The following ITIH1 variants were observed in gnomAD, a reference collection of about 807,000 sequenced individuals.
ITIH1 encodes the protein inter-alpha-trypsin inhibitor heavy chain H1.
ITIH1 carries 94 observed loss-of-function variants against 104.6 expected under a neutral mutation model. The observed-to-expected ratio is 0.90, with a 90% CI of 0.76 to 1.07. The LOEUF (loss-of-function observed/expected upper bound fraction) is 1.07, where lower values mean the gene tolerates loss of function less well. Ranked by LOEUF, ITIH1 falls within the 50% of genes least tolerant of loss-of-function variation. ITIH1 has a pLI of 0.00. For synonymous variants in ITIH1, 455 were observed against 464.4 expected, an observed-to-expected ratio of 0.98 and a Z score of 0.26; for missense variants, 1,193 against 1,181.4, an observed-to-expected ratio of 1.01 and a Z score of -0.14.
At chr3:52,777,953 C>A in intron 1 of ITIH1, 44 bp from the exon 2 acceptor site, 1 of 1,613,574 alleles carries the variant, frequency 6.2e-7, no homozygotes, top group Non-Finnish European at 8.5e-7. Context: ...GCCGGTGGTC[C>A]CCTGAGTTTT....
In ITIH1 at chr3:52,779,121, G is replaced by A. The variant is rs1226753769; in HGVS notation, c.410+75G>A. ...AGGACAGGTCTGATGGCTGCAAGGT[G>A]GCTTTAGTGGAGAACAGCCCAGGAT... On this transcript the variant is annotated intron_variant, in intron 4 of 21. Coordinates refer to ENST00000273283, the MANE Select transcript of ITIH1 (RefSeq NM_002215.4). This position sits in a 1 kb window ranked among gnomAD's most constrained non-coding sequence, Gnocchi z 4.4. The A allele has an allele frequency of 1.9e-6, 2 of 1,072,316 alleles. No individual in the cohort carries two copies. The highest frequency in any genetic ancestry group is 2.9e-6 in the Non-Finnish European group (2 of 689,466). The allele number at this position is 1,072,316 out of a possible 1,614,324, so 66.4% of individuals were successfully genotyped here. A position where few individuals can be genotyped will look rare whatever the true frequency, so the allele number is the denominator to read the frequency against.
At chr3:52,788,706 G>A (rs1463040314) in intron 18 of ITIH1, among the ~76,000 whole-genome samples, 5 of 152,070 alleles carry the variant, frequency 3.3e-5, no homozygotes, top group Non-Finnish European at 7.4e-5. Context: ...GACTACAGGC[G>A]CATGCCACCA....
In ITIH1 at chr3:52,777,709, A is replaced by C; in HGVS notation, c.94A>C (p.Thr32Pro). 6.3e-7 allele frequency: 1 copy of C among 1,597,506 alleles called. No homozygotes were observed. ...LQAMPALGSA[T>P]GRSKSSEKRQ... is the part of the protein sequence containing the mutation. The stretch of plus-strand genomic sequence containing the variant: ...GGCCATGCCTGCCCTGGGCTCGGCT[A>C]CAGGCAGGTCCAAGAGCAGCGAGGT... The change falls in exon 1 of 22, where the codon ACA becomes CCA. Residue 32 changes from threonine (T) to proline (P), a missense_variant. Transcript: ENST00000273283.
chr3:52,788,379 C>CAGAGGAGCCCTGGCCCTGT, intron 18 of ITIH1, 34 bp downstream of exon 18: 1 of 1,349,854 alleles, frequency 7.4e-7, no homozygotes, highest in Non-Finnish European at 1.0e-6. Flanking sequence ...CCAGACAGGG[C>CAGAGGAGCCCTGGCCCTGT]CAGGGCTCCT....
At chr3:52,780,230 T>C (rs1698998935) in intron 5 of ITIH1, 39 bp from the exon 6 acceptor site, 3 of 1,495,414 alleles carry the variant, frequency 2.0e-6, no homozygotes, top group Non-Finnish European at 1.8e-6. Context: ...CAAGATCCCA[T>C]CTTTTTTTTT....
chr3:52,780,395 G>A lies in ITIH1; in HGVS notation c.687+13G>A. 6.3e-7 allele frequency: 1 copy of A among 1,585,450 alleles called. No individual in the cohort carries two copies. Among genetic ancestry groups the A allele is most frequent in the Non-Finnish European group, 8.7e-7 (1 of 1,155,386 alleles). ...CTCAGGAAAAAAGGTACATGGGATA[G>A]CAAGGGGGTGGTGGTGGGCCCTTTG... On this transcript the variant is annotated intron_variant, in intron 6 of 21. Coordinates refer to ENST00000273283, the MANE Select transcript of ITIH1 (RefSeq NM_002215.4).
chr3:52,791,872 TGGTGC>T lies in ITIH1; in HGVS notation c.2698_2702del (p.Gly900LeufsTer3), dbSNP rs777576105. 8.1e-6 allele frequency: 13 copies of T among 1,614,072 alleles called. No homozygotes were observed. The highest frequency in any genetic ancestry group is 1.1e-5 in the Non-Finnish European group (13 of 1,180,036). ...ACAACAATGGGGCTGGACTCATCGA[TGGTGC>T]CTACACTGATTATATCGTCCCCGAC... On this transcript the variant is annotated frameshift_variant, in exon 22 of 22. Transcript: ENST00000273283. LOFTEE classifies it high-confidence loss of function.
chr3:52,781,683 A>T (rs958429683), intron 6 of ITIH1, among the ~76,000 whole-genome samples: 3 of 152,164 alleles, frequency 2.0e-5, no homozygotes, highest in African/African-American at 7.2e-5. Flanking sequence ...GTTATTATTT[A>T]TATACCCAAA....
chr3:52,777,687 C>G lies in ITIH1; in HGVS notation c.72C>G (p.Ala24=). The change falls in exon 1 of 22, where the codon GCC becomes GCG. Residue 24 remains alanine, a synonymous_variant. Transcript: ENST00000273283. ...MYLVSLLILQ[A]MPALGSATGR... is the part of the protein sequence containing the mutation. The stretch of plus-strand genomic sequence containing the variant: ...TGGTATCTCTCCTCATCCTGCAGGC[C>G]ATGCCTGCCCTGGGCTCGGCTACAG... The G allele has an allele frequency of 1.2e-6, 2 of 1,605,056 alleles. No individual in the cohort carries two copies. Among genetic ancestry groups the G allele is most frequent in the Non-Finnish European group, 1.7e-6 (2 of 1,175,992 alleles).
rs751821392 is a variant in ITIH1 at position 52,790,731 on chromosome 3, G to A, written c.2322-18G>A. 1.1e-5 allele frequency: 18 copies of A among 1,605,358 alleles called. No homozygotes were observed. Among genetic ancestry groups the A allele is most frequent in the Admixed American group, 8.6e-5 (5 of 58,338 alleles). On this transcript the variant is annotated intron_variant, in intron 19 of 21. Transcript: ENST00000273283. ...GCAGTGCAGCCGCACCTGCCCTCTC[G>A]GCCACCTGGCTCTGCAGGGTGGTGG...
intron 10 of ITIH1, among the ~76,000 whole-genome samples, chr3:52,784,002 G>A (rs554370930): frequency 4.3e-4 from 66 of 152,254 alleles, no homozygotes; most frequent in African/African-American, 1.6e-3. Flanking sequence ...AACAAGCGTG[G>A]GAAGGTCAGC....
rs1447574116 is a variant in ITIH1, at chr3:52,785,180, T to C, written c.1544T>C (p.Ile515Thr). 2.5e-6 allele frequency: 4 copies of C among 1,614,002 alleles called. No individual in the cohort carries two copies. Among genetic ancestry groups the C allele is most frequent in the Admixed American group, 3.3e-5 (2 of 60,002 alleles). Residue 515 changes from isoleucine to threonine, a missense_variant, in exon 12 of 22, where the codon ATT (isoleucine) becomes ACT (threonine). Transcript: ENST00000273283. ...EGSEIVVAGRIADNKQSSFKA... is the reference protein window; with the variant it reads ...EGSEIVVAGRTADNKQSSFKA... ...TCAGAGATTGTGGTGGCCGGGCGCA[T>C]TGCTGACAACAAACAGAGCAGCTTC...
At position 52,790,807 on chromosome 3, in the gene ITIH1, A is replaced by G. The variant is rs767698101; in HGVS notation, c.2380A>G (p.Thr794Ala). 3 of 1,612,766 alleles carry G rather than the reference A, an allele frequency of 1.9e-6. No homozygotes were observed. The highest frequency in any genetic ancestry group is 1.7e-5 in the Admixed American group (1 of 59,828). The part of the protein sequence containing the change: ...NLVVSVDDGG[T>A]FEVVLHRVWK... The stretch of plus-strand genomic sequence containing the variant: ...GGTGGTGTCTGTGGACGACGGTGGC[A>G]CCTTTGAGGTTGTTTTGCACCGAGT... The change falls in exon 20 of 22, where the codon ACC becomes GCC. Residue 794 changes from threonine (T) to alanine (A), a missense_variant. Physicochemically the swap from Thr to Ala is moderately conservative, Grantham distance 58. Transcript: ENST00000273283.
chr3:52,778,558 T>A, intron 3 of ITIH1, 52 bp downstream of exon 3: 2 of 1,606,706 alleles, frequency 1.2e-6, no homozygotes. Context: ...CGCTTACTAG[T>A]CCCAGCTTAA....
rs1356468486 is a variant in ITIH1, at chr3:52,783,304, T to C, written c.1190T>C (p.Ile397Thr). The change falls in exon 10 of 22, where the codon ATA becomes ACA. Residue 397 changes from isoleucine to threonine, a missense_variant. Ile to Thr is a moderately conservative substitution (Grantham distance 89). Coordinates refer to ENST00000273283, the MANE Select transcript of ITIH1 (RefSeq NM_002215.4). ...SLPELSNHAS[I>T]LIMLTDGDPT... ...CCAGAACTCAGCAACCATGCCTCAATACTCATCATGTTGACAGATGGCGAT... is the reference window on the plus strand; with the variant it reads ...CCAGAACTCAGCAACCATGCCTCAACACTCATCATGTTGACAGATGGCGAT... 3 of 1,613,980 alleles carry C rather than the reference T, an allele frequency of 1.9e-6. No individual in the cohort carries two copies. The highest frequency in any genetic ancestry group is 1.7e-6 in the Non-Finnish European group (2 of 1,180,036).
At chr3:52,778,150 G>C (rs944969909) in intron 2 of ITIH1, 133 bp downstream of exon 2, 1 of 1,179,448 alleles carries the variant, frequency 8.5e-7, no homozygotes, top group African/African-American at 1.5e-5. Flanking sequence ...TAGAAATGGG[G>C]ACTTGTTCCC....
Position 52,781,956 on chromosome 3 carries a change from G to A in ITIH1, c.704G>A (p.Arg235His), listed in dbSNP as rs141164071. The change falls in exon 7 of 22, where the codon CGT (arginine) becomes CAT (histidine). Residue 235 changes from arginine to histidine, a missense_variant. Arg to His is a conservative substitution (Grantham distance 29, BLOSUM62 0). Transcript: ENST00000273283. ...CGGTTCCAGGGTCATGTGCTGTTCCGTCCCACCGTGAGCCAGCAGCAGTCC... is the reference window on the plus strand; with the variant it reads ...CGGTTCCAGGGTCATGTGCTGTTCCATCCCACCGTGAGCCAGCAGCAGTCC... Reference protein sequence around the residue: ...FSGKKGHVLFRPTVSQQQSCP... With the variant: ...FSGKKGHVLFHPTVSQQQSCP... The A allele has an allele frequency of 9.7e-5, 157 of 1,614,114 alleles. 1 individual carries two copies. The highest frequency in any genetic ancestry group is 9.2e-4 in the African/African-American group (69 of 75,008).
In ITIH1 at chr3:52,781,852, C is replaced by G. The variant is rs538128099; in HGVS notation, c.688-88C>G. On this transcript the variant is annotated intron_variant, in intron 6 of 21. Coordinates refer to ENST00000273283, the MANE Select transcript of ITIH1 (RefSeq NM_002215.4). ...CTGTCCGTGCAAACACACACACACA[C>G]ACACGCATGCCTTCTTATGTTGTCT... is the stretch of plus-strand genomic sequence containing the variant. 195 of 1,532,886 alleles carry G rather than the reference C, an allele frequency of 1.3e-4. 1 individual carries two copies. Among genetic ancestry groups the G allele is most frequent in the Non-Finnish European group, 4.7e-5 (53 of 1,126,090 alleles). The allele number at this position is 1,532,886 out of a possible 1,614,324, so 95.0% of individuals were successfully genotyped here. A position where few individuals can be genotyped will look rare whatever the true frequency, so the allele number is the denominator to read the frequency against.
chr3:52,788,124 G>A lies in ITIH1; in HGVS notation c.2005+58G>A, dbSNP rs1559465372. Reference sequence around the variant, plus strand: ...TGTTTGGGACCCACCCTATCTGGCTGTCTCTCTCTCTCTGTCTCTCTCTGG... The same window carrying A: ...TGTTTGGGACCCACCCTATCTGGCTATCTCTCTCTCTCTGTCTCTCTCTGG... On this transcript the variant is annotated intron_variant, in intron 17 of 21. Coordinates refer to ENST00000273283, the MANE Select transcript of ITIH1 (RefSeq NM_002215.4). 4 of 1,522,624 alleles carry A rather than the reference G, an allele frequency of 2.6e-6. No individual in the cohort carries two copies. The East Asian group carries it at 9.0e-5, about 34-fold the overall frequency. The allele number at this position is 1,522,624 out of a possible 1,614,324, so 94.3% of individuals were successfully genotyped here.
Sources: gnomAD v4.1 joint callset for allele counts (sites outside exome capture counted in the v4.1 genomes callset) on GRCh38, gnomAD v4.1.1 for gene constraint, Gnocchi (gnomAD v3.1) non-coding constraint, MANE v1.5 for transcripts, NCBI Gene and HGNC (gene_info 2026-07-23, HGNC 2026-07-21) for gene names.